MICAL2: variants seen among roughly 807,000 people sequenced by gnomAD.
MICAL2 encodes the protein microtubule associated monooxygenase, calponin and LIM domain containing 2.
MICAL2 carries 77 observed loss-of-function variants against 127.3 expected under a neutral mutation model. The observed-to-expected ratio is 0.60, with a 90% CI of 0.50 to 0.73. MICAL2 has a LOEUF of 0.73. Ranked by LOEUF, MICAL2 falls within the 30% of genes least tolerant of loss-of-function variation. MICAL2 has a pLI of 0.00. For synonymous variants in MICAL2, 570 were observed against 551.1 expected, an observed-to-expected ratio of 1.03 and a Z score of -0.48; for missense variants, 1,351 against 1,434.4, an observed-to-expected ratio of 0.94 and a Z score of 0.94.
chr11:12,279,305 G>A (rs577270548), intron 1 of MICAL2, among the ~76,000 whole-genome samples: 2 of 152,308 alleles, frequency 1.3e-5, no homozygotes, highest in South Asian at 2.1e-4. Context: ...AAGTGGCCTC[G>A]GTGGAGTGAA....
intron 33 of MICAL2, chr11:12,354,756 C>G: frequency 6.3e-7 from 1 of 1,599,896 alleles, no homozygotes; most frequent in Non-Finnish European, 8.6e-7. Flanking sequence ...CTATAGTATT[C>G]ATAAAATTTG....
intron 1 of MICAL2, among the ~76,000 whole-genome samples, chr11:12,276,913 A>G (rs986481644): frequency 6.6e-6 from 1 of 152,234 alleles, no homozygotes; most frequent in Non-Finnish European, 1.5e-5. Flanking sequence ...CATATGCTAG[A>G]GAGTGGCTGG....
At chr11:12,291,219 T>A (rs1565295270), downstream of MICAL2, among the ~76,000 whole-genome samples, 1 of 152,132 alleles carries the variant, frequency 6.6e-6, no homozygotes, top group Non-Finnish European at 1.5e-5. Context: ...GAGCATGGCA[T>A]TTTACTGAAT....
chr11:12,312,845 C>T (rs1864189183), intron 29 of MICAL2, among the ~76,000 whole-genome samples: 1 of 152,104 alleles, frequency 6.6e-6, no homozygotes, highest in Admixed American at 6.6e-5. Context: ...GGGTATGGGG[C>T]AGGATCGTCT....
At chr11:12,349,964 G>A (rs1224524241) in intron 33 of MICAL2, 17 of 1,601,048 alleles carry the variant, frequency 1.1e-5, no homozygotes, top group Admixed American at 1.7e-5. Context: ...AGATACCAGC[G>A]AGTCCTAAAA....
intron 8 of MICAL2, among the ~76,000 whole-genome samples, chr11:12,218,174 T>C (rs1856415350): frequency 6.6e-6 from 1 of 152,176 alleles, no homozygotes; most frequent in Non-Finnish European, 1.5e-5. Context: ...AAGAGTAAAG[T>C]TTCTCTTCAA....
chr11:12,157,729 G>A (rs1270896844), intron 2 of MICAL2, among the ~76,000 whole-genome samples: 1 of 152,100 alleles, frequency 6.6e-6, no homozygotes, highest in South Asian at 2.1e-4. Flanking sequence ...CGTTCTTTTG[G>A]GGTGAGGGGA....
chr11:12,345,945 G>A (rs1307475371), intron 32 of MICAL2, among the ~76,000 whole-genome samples: 1 of 152,208 alleles, frequency 6.6e-6, no homozygotes, highest in Non-Finnish European at 1.5e-5. Flanking sequence ...GCTGTGAAAA[G>A]AGCAAACTTA....
chr11:12,322,198 T>C (rs973936569), intron 30 of MICAL2, among the ~76,000 whole-genome samples: 1 of 152,090 alleles, frequency 6.6e-6, no homozygotes, highest in Non-Finnish European at 1.5e-5. Context: ...ATTACGTAGG[T>C]TAGTATAATG....
chr11:12,154,466 T>C (rs574926205), intron 2 of MICAL2, among the ~76,000 whole-genome samples: 102 of 152,318 alleles, frequency 6.7e-4, no homozygotes, highest in African/African-American at 2.3e-3. Context: ...ATGTTCCTGG[T>C]AGAAACTTTG....
Position 12,216,211 on chromosome 11 carries a change from C to G in MICAL2, c.848-8C>G, listed in dbSNP as rs376818583. On this transcript the variant is annotated splice_region_variant and splice_polypyrimidine_tract_variant and intron_variant, in intron 7 of 27. Coordinates refer to ENST00000683283, the MANE Select transcript of MICAL2 (RefSeq NM_001282663.2). ...TAACACTGAGCTTGTGAATGCTTCTCTTTTCAGGCATAGATCTTGAGAACA... is the reference window on the plus strand; with the variant it reads ...TAACACTGAGCTTGTGAATGCTTCTGTTTTCAGGCATAGATCTTGAGAACA... 6.2e-7 allele frequency: 1 copy of G among 1,603,930 alleles called. No homozygotes were observed. Among genetic ancestry groups the G allele is most frequent in the African/African-American group, 1.3e-5 (1 of 74,740 alleles).
chr11:12,202,387 T>C (rs1039430660), intron 3 of MICAL2, among the ~76,000 whole-genome samples: 1 of 152,232 alleles, frequency 6.6e-6, no homozygotes, highest in African/African-American at 2.4e-5. Flanking sequence ...TGTAAAAGCA[T>C]GAGCCAATTA....
downstream of MICAL2, among the ~76,000 whole-genome samples, chr11:12,266,162 A>G (rs765942548): frequency 9.9e-5 from 15 of 152,202 alleles, no homozygotes; most frequent in Non-Finnish European, 1.8e-4. Flanking sequence ...AGTAAAGAAA[A>G]AAGTAAAACT....
chr11:12,201,721 T>G (rs1854016734), intron 3 of MICAL2, among the ~76,000 whole-genome samples: 1 of 152,236 alleles, frequency 6.6e-6, no homozygotes, highest in South Asian at 2.1e-4. Context: ...CAGTGTCCAT[T>G]GAGGACCGAG....
chr11:12,199,825 G>A (rs61233213), intron 3 of MICAL2, among the ~76,000 whole-genome samples: 455 of 152,254 alleles, frequency 3.0e-3, no homozygotes, highest in African/African-American at 0.01. Flanking sequence ...GAACACCGCC[G>A]AGCTTATCTA....
downstream of MICAL2, among the ~76,000 whole-genome samples, chr11:12,266,470 G>T (rs778435012): frequency 6.6e-6 from 1 of 152,204 alleles, no homozygotes; most frequent in Non-Finnish European, 1.5e-5. Context: ...GTAAGTAAAA[G>T]AAGTTACTGC....
rs1206289194 is a variant in MICAL2, at chr11:12,240,651, G to A, written c.2215-389G>A. On this transcript the variant is annotated intron_variant, in intron 17 of 27. Coordinates refer to ENST00000683283, the MANE Select transcript of MICAL2 (RefSeq NM_001282663.2). ...TCCATTCCATCAGAAGCACCGGAGC[G>A]TCCCTGTCCTTGAGTGGGCAGGAAG... 7.2e-5 allele frequency among the ~76,000 whole-genome samples: 11 copies of A among 152,214 alleles called. No homozygotes were observed. The South Asian group carries it at 1.0e-3, about 14-fold the overall frequency.
At chr11:12,354,651 A>G in intron 33 of MICAL2, 1 of 698,544 alleles carries the variant, frequency 1.4e-6, no homozygotes, top group Non-Finnish European at 2.3e-6. Flanking sequence ...ATTACAATAA[A>G]AAATAAAGAT....
intron 2 of MICAL2, among the ~76,000 whole-genome samples, chr11:12,150,949 C>T (rs995361595): frequency 3.3e-5 from 5 of 152,084 alleles, no homozygotes; most frequent in Admixed American, 6.5e-5. Flanking sequence ...CGGGAACTGA[C>T]GCTTATTGAG....
Sources: allele counts gnomAD v4.1 joint callset (sites outside exome capture counted in the v4.1 genomes callset), GRCh38; gene constraint gnomAD v4.1.1; transcripts MANE v1.5; gene names NCBI Gene and HGNC (gene_info 2026-07-23, HGNC 2026-07-21).